The following AGRN variants were observed in gnomAD, a reference collection of about 807,000 sequenced individuals.
The protein encoded by AGRN is agrin proteoglycan.
AGRN carries 106 observed loss-of-function variants against 211.0 expected under a neutral mutation model. The observed-to-expected ratio is 0.50, with a 90% CI of 0.43 to 0.59. AGRN has a LOEUF of 0.59. Ranked by LOEUF, AGRN falls within the 20% of genes least tolerant of loss-of-function variation. The pLI, the probability that AGRN is intolerant of heterozygous loss-of-function variation, is 0.00. For missense variants in AGRN, 3,040 were observed against 2,982.6 expected, an observed-to-expected ratio of 1.02 and a Z score of -0.45; for synonymous variants, 1,525 against 1,332.5, an observed-to-expected ratio of 1.14 and a Z score of -3.15.
chr1:1,034,518 C>T (rs1644753494), intron 2 of AGRN: 1 of 985,940 alleles, frequency 1.0e-6, no homozygotes, highest in South Asian at 4.7e-5. Context: ...GGAGCCCCCA[C>T]GCTCTGAGAG....
intron 12 of AGRN, among the ~76,000 whole-genome samples, chr1:1,044,877 C>T (rs996433157): frequency 2.6e-5 from 4 of 152,154 alleles, no homozygotes; most frequent in African/African-American, 7.2e-5. Flanking sequence ...GTCTGTTTCT[C>T]GATTTGCAAG....
chr1:1,034,592 C>T, intron 2 of AGRN: 1 of 986,324 alleles, frequency 1.0e-6, no homozygotes, highest in Non-Finnish European at 1.2e-6. Flanking sequence ...CACCCGGCAG[C>T]CGCCTGGCGC....
At chr1:1,047,120 C>T (rs957483308) in intron 19 of AGRN, 163 bp downstream of exon 19, 31 of 1,380,118 alleles carry the variant, frequency 2.2e-5, no homozygotes, top group East Asian at 5.0e-5. Flanking sequence ...CCGTCTCTCT[C>T]GTTGCAAGCC....
At chr1:1,054,117 G>A in intron 34 of AGRN, 140 bp downstream of exon 34, 2 of 936,878 alleles carry the variant, frequency 2.1e-6, no homozygotes, top group South Asian at 1.5e-5. Context: ...GCCAGTGGGA[G>A]GAGGAAGGGC....
In AGRN at chr1:1,045,207, C is replaced by A; in HGVS notation, c.2301C>A (p.Ala767=). The change falls in exon 13 of 36, where the codon GCC becomes GCA. Residue 767 remains alanine (A), a synonymous_variant. Transcript: ENST00000379370. ...PLPPVAPLHC[A]QTPYGCCQDN... ...CGCCTGTGGCCCCCTTACACTGTGC[C>A]CAGACGCCCTACGGCTGCTGCCAGG... 2 of 1,612,724 alleles carry A rather than the reference C, an allele frequency of 1.2e-6. No homozygotes were observed. Among genetic ancestry groups the A allele is most frequent in the Non-Finnish European group, 1.7e-6 (2 of 1,179,976 alleles).
intron 3 of AGRN, among the ~76,000 whole-genome samples, chr1:1,036,862 C>A: frequency 6.6e-6 from 1 of 152,148 alleles, no homozygotes; most frequent in East Asian, 1.9e-4. Context: ...GTTGCTGTCC[C>A]CCTTCCTGAG....
intron 2 of AGRN, among the ~76,000 whole-genome samples, chr1:1,027,782 G>C (rs920113117): frequency 2.0e-5 from 3 of 152,166 alleles, no homozygotes; most frequent in Admixed American, 2.0e-4. Context: ...GACCAGGCCT[G>C]GTCAGGGTGG....
In AGRN at chr1:1,055,987, C is replaced by A. The variant is rs1240065865; in HGVS notation, c.*1006C>A. 1 of 152,314 alleles carries A rather than the reference C, an allele frequency of 6.6e-6. No individual in the cohort carries two copies. The highest frequency in any genetic ancestry group is 1.9e-4 in the East Asian group (1 of 5,208). 9.4% of individuals were successfully genotyped at this position (152,314 alleles called of 1,614,324 possible). Reference sequence around the variant, plus strand: ...CCCCACCCCCATCCCATCCCCACCCCCAGCCCCAGCCCAGTCCTCCTAGGA... The same window carrying A: ...CCCCACCCCCATCCCATCCCCACCCACAGCCCCAGCCCAGTCCTCCTAGGA... On this transcript the variant is annotated 3_prime_UTR_variant, in exon 36 of 36. Transcript: ENST00000379370.
intron 29 of AGRN, 34 bp downstream of exon 29, chr1:1,050,625 G>A (rs1645254934): frequency 6.2e-7 from 1 of 1,604,904 alleles, no homozygotes; most frequent in South Asian, 1.1e-5. Flanking sequence ...GGAGGCCTGG[G>A]GCACTGGCCC....
chr1:1,033,710 C>A (rs1364273067), intron 2 of AGRN, among the ~76,000 whole-genome samples: 1 of 135,190 alleles, frequency 7.4e-6, no homozygotes, highest in Non-Finnish European at 1.6e-5. Context: ...CCAGTCCCAC[C>A]CCCAGTCCCA....
intron 30 of AGRN, 153 bp downstream of exon 30, chr1:1,050,990 T>G: frequency 4.5e-6 from 7 of 1,550,548 alleles, no homozygotes; most frequent in Non-Finnish European, 6.1e-6. Flanking sequence ...CTCCCTGCTC[T>G]CTGCTCTCGC....
chr1:1,036,010 G>A (rs1458707707), intron 3 of AGRN, among the ~76,000 whole-genome samples: 2 of 152,258 alleles, frequency 1.3e-5, no homozygotes, highest in South Asian at 2.1e-4. Flanking sequence ...CAGACGGGGG[G>A]ACCGGTGGCT....
Position 1,040,811 on chromosome 1 carries a change from G to A in AGRN, c.658G>A (p.Glu220Lys). The change falls in exon 4 of 36, where the codon GAA (glutamate) becomes AAA (lysine). Residue 220 changes from glutamate (E) to lysine (K), a missense_variant. By Grantham distance (56) the Glu-to-Lys change is moderately conservative. Around this residue, in one of 3 missense-constraint regions of AGRN, gnomAD observed 1,498 missense variants for 1,457.8 expected, o/e 1.03. Transcript: ENST00000379370. ...CGSDASTYSN[E>K]CELQRAQCSQ... ...GTCGGACGCCTCCACCTACAGCAAC[G>A]AATGCGAGCTGCAGCGGGCGCAGTG... The A allele has an allele frequency of 6.5e-7, 1 of 1,538,370 alleles. No homozygotes were observed. The highest frequency in any genetic ancestry group is 8.7e-7 in the Non-Finnish European group (1 of 1,147,858).
Position 1,043,949 on chromosome 1 carries a change from C to A in AGRN, c.1925C>A (p.Ala642Asp). 2.5e-6 allele frequency: 4 copies of A among 1,606,882 alleles called. No individual in the cohort carries two copies. The highest frequency in any genetic ancestry group is 3.4e-6 in the Non-Finnish European group (4 of 1,178,986). Reference sequence around the variant, plus strand: ...AGCGACGGTGTCACCTACGGCAGTGCCTGCGAGCTACGGGAAGCCGCCTGC... The same window carrying A: ...AGCGACGGTGTCACCTACGGCAGTGACTGCGAGCTACGGGAAGCCGCCTGC... ...CGSDGVTYGS[A>D]CELREAACLQ... Residue 642 changes from alanine (A) to aspartate (D), a missense_variant, in exon 10 of 36, where the codon GCC becomes GAC. This residue lies in a region of AGRN where 1,498 missense variants were observed against 1,457.8 expected (regional missense o/e 1.03). Coordinates refer to ENST00000379370, the MANE Select transcript of AGRN (RefSeq NM_198576.4).
Position 1,046,407 on chromosome 1 carries a change from T to C in AGRN, c.2922T>C (p.Ala974=), listed in dbSNP as rs374308932. Residue 974 remains alanine, a synonymous_variant, in exon 18 of 36, where the codon GCT becomes GCC. Coordinates refer to ENST00000379370, the MANE Select transcript of AGRN (RefSeq NM_198576.4). ...TCCCTCTCCTTGCAGAGGCTGTTGC[T>C]CCCAGCACTCACCCGACATCTGCCT... ...QSLGPCQEAV[A]PSTHPTSASV... The C allele has an allele frequency of 3.1e-6, 5 of 1,611,334 alleles. No individual in the cohort carries two copies. The African/African-American group carries it at 5.4e-5, about 17-fold the overall frequency.
intron 2 of AGRN, among the ~76,000 whole-genome samples, chr1:1,027,951 G>A (rs994100659): frequency 6.6e-5 from 10 of 152,288 alleles, no homozygotes; most frequent in Middle Eastern, 3.4e-3. Context: ...CACAAACACC[G>A]GCCCACGGCC....
At chr1:1,054,701 C>T (rs1260886609) in intron 35 of AGRN, 123 bp from the exon 36 acceptor site, 2 of 1,487,930 alleles carry the variant, frequency 1.3e-6, no homozygotes, top group East Asian at 2.5e-5. Flanking sequence ...CCTGCAGTTC[C>T]CAGTGCTGTG....
chr1:1,047,421 G>A lies in AGRN; in HGVS notation c.3483G>A (p.Leu1161=), dbSNP rs758849777. The change falls in exon 20 of 36, where the codon CTG becomes CTA. Residue 1161 remains leucine (L), a synonymous_variant. Transcript: ENST00000379370. ...AGATGGCTGACCCCAAGTCAGAACT[G>A]TTCGGGGAGACAGCCAGGAGCATTG... ...TPEMADPKSE[L]FGETARSIES... 6.2e-7 allele frequency: 1 copy of A among 1,612,714 alleles called. No homozygotes were observed. Among genetic ancestry groups the A allele is most frequent in the Non-Finnish European group, 8.5e-7 (1 of 1,179,928 alleles).
At chr1:1,052,409 A>G (rs1453474958) in intron 33 of AGRN, 4 of 302,460 alleles carry the variant, frequency 1.3e-5, no homozygotes, top group East Asian at 9.1e-5. Context: ...GTGTGTGTGT[A>G]TATGTGGGGG....
Sources: allele counts gnomAD v4.1 joint callset (sites outside exome capture counted in the v4.1 genomes callset), GRCh38; gene constraint gnomAD v4.1.1; regional missense constraint gnomAD v4.1.1; transcripts MANE v1.5; gene names NCBI Gene and HGNC (gene_info 2026-07-23, HGNC 2026-07-21).